The following FRYL variants were observed in gnomAD, a reference collection of about 807,000 sequenced individuals.
The protein encoded by FRYL is FRY like transcription coactivator, also known as protein furry homolog-like.
FRYL carries 150 observed loss-of-function variants against 351.2 expected under a neutral mutation model. That is an observed-to-expected ratio of 0.43 (90% confidence interval 0.37 to 0.49). The LOEUF (loss-of-function observed/expected upper bound fraction) is 0.49. Ranked by LOEUF, FRYL falls within the 20% of genes least tolerant of loss-of-function variation. FRYL has a pLI of 0.00. For missense variants in FRYL, 3,036 were observed against 3,619.3 expected (o/e 0.84, Z 4.13); for synonymous variants, 1,153 against 1,257.1 (o/e 0.92, Z 1.75).
At chr4:48,759,789 C>T (rs1239284029) in intron 1 of FRYL, among the ~76,000 whole-genome samples, 1 of 152,114 alleles carries the variant, frequency 6.6e-6, no homozygotes, top group African/African-American at 2.4e-5. Flanking sequence ...TTTTCAGGAC[C>T]CCTGTGATGA....
At chr4:48,642,458 A>G (rs550237197) in intron 3 of FRYL, among the ~76,000 whole-genome samples, 1 of 152,244 alleles carries the variant, frequency 6.6e-6, no homozygotes, top group South Asian at 2.1e-4. Flanking sequence ...TGCAAATGAA[A>G]TCATTTTCCC....
intron 21 of FRYL, among the ~76,000 whole-genome samples, 169 bp downstream of exon 21, chr4:48,581,251 A>G (rs2149161017): frequency 6.6e-6 from 1 of 151,968 alleles, no homozygotes; most frequent in South Asian, 2.1e-4. Flanking sequence ...GTTAGCCAGG[A>G]TGGTCTCGAT....
At position 48,546,262 on chromosome 4, in the gene FRYL, T is replaced by A. The variant is rs2148962410; in HGVS notation, c.5084A>T (p.Asn1695Ile). The A allele has an allele frequency of 1.2e-6, 2 of 1,612,706 alleles. No homozygotes were observed. Among genetic ancestry groups the A allele is most frequent in the Non-Finnish European group, 1.7e-6 (2 of 1,178,968 alleles). The change falls in exon 42 of 64, where the codon AAC (asparagine) becomes ATC (isoleucine). Residue 1695 changes from asparagine to isoleucine, a missense_variant. By Grantham distance (149) the Asn-to-Ile change is moderately radical. Around this residue, in one of 7 missense-constraint regions of FRYL, gnomAD observed 1,987 missense variants for 2,311.7 expected, o/e 0.86. Transcript: ENST00000358350. ...GGGCTGGTAATCAGGTATAAAATCG[T>A]TAATGCCTGCTGAAAGAGAAAGATC... Reference protein sequence around the residue: ...HLDYNFTAGINDFIPDYQPSP... With the variant: ...HLDYNFTAGIIDFIPDYQPSP...
At chr4:48,563,445 G>A (rs1325090043) in intron 31 of FRYL, among the ~76,000 whole-genome samples, 3 of 152,136 alleles carry the variant, frequency 2.0e-5, no homozygotes, top group South Asian at 2.1e-4. Flanking sequence ...GGCCAAGCGC[G>A]GCAGGTCATG....
At chr4:48,538,175 A>G (rs1560560752) in intron 47 of FRYL, among the ~76,000 whole-genome samples, 2 of 152,174 alleles carry the variant, frequency 1.3e-5, no homozygotes, top group East Asian at 3.9e-4. Flanking sequence ...CTTGATATTT[A>G]ATGTTCTATT....
chr4:48,632,112 A>ATATG (rs1753298694), intron 4 of FRYL, among the ~76,000 whole-genome samples: 1 of 46,174 alleles, frequency 2.2e-5, no homozygotes, highest in South Asian at 7.8e-4. Flanking sequence ...ATATATATAT[A>ATATG]TATATATATA....
intron 26 of FRYL, among the ~76,000 whole-genome samples, chr4:48,571,438 GAAT>G (rs1175531925): frequency 6.6e-6 from 1 of 152,158 alleles, no homozygotes; most frequent in East Asian, 1.9e-4. Flanking sequence ...CAAAGAACTA[GAAT>G]AATGCCCAGA....
At chr4:48,652,540 C>T (rs1413707187) in intron 3 of FRYL, among the ~76,000 whole-genome samples, 1 of 152,106 alleles carries the variant, frequency 6.6e-6, no homozygotes, top group Admixed American at 6.5e-5. Flanking sequence ...TAATTTTCTG[C>T]CATCTGGCAC....
At chr4:48,674,792 C>G (rs964955049) in intron 3 of FRYL, among the ~76,000 whole-genome samples, 101 of 148,558 alleles carry the variant, frequency 6.8e-4, no homozygotes, top group Non-Finnish European at 9.1e-4. Flanking sequence ...AGTAGAAGCC[C>G]TTTGCTGTAA....
chr4:48,761,771 A>C (rs1300503368), intron 1 of FRYL, among the ~76,000 whole-genome samples: 1 of 152,222 alleles, frequency 6.6e-6, no homozygotes, highest in African/African-American at 2.4e-5. Context: ...AAAGGTTTGT[A>C]GCCTAGGAGC....
At chr4:48,742,032 G>A (rs188736724) in intron 1 of FRYL, among the ~76,000 whole-genome samples, 4 of 152,316 alleles carry the variant, frequency 2.6e-5, no homozygotes, top group Admixed American at 2.0e-4. Flanking sequence ...TAACAATGAT[G>A]TATCAATATA....
rs2148865776 is a variant in FRYL at position 48,528,215 on chromosome 4, G to A, written c.7025C>T (p.Ala2342Val). The change falls in exon 51 of 64, where the codon GCC (alanine) becomes GTC (valine). Residue 2342 changes from alanine (A) to valine (V), a missense_variant. By Grantham distance (64) the Ala-to-Val change is moderately conservative (BLOSUM62 0). Transcript: ENST00000358350. The stretch of plus-strand genomic sequence containing the variant: ...CCTTTTCCAACTAACAGGAACCAAG[G>A]CATTAGAATTAGAACCAGAAGAAGT... ...SSTSSGSNSN[A>V]LVPVSWKRPQ... 1.2e-6 allele frequency: 2 copies of A among 1,613,068 alleles called. No individual in the cohort carries two copies. Among genetic ancestry groups the A allele is most frequent in the African/African-American group, 1.3e-5 (1 of 74,966 alleles).
At chr4:48,538,642 T>G (rs1255583964) in intron 47 of FRYL, among the ~76,000 whole-genome samples, 2 of 152,172 alleles carry the variant, frequency 1.3e-5, no homozygotes, top group Non-Finnish European at 2.9e-5. Flanking sequence ...ATCCCAGCTT[T>G]TAAAAAAAAT....
intron 18 of FRYL, among the ~76,000 whole-genome samples, chr4:48,588,881 A>T (rs1742677295): frequency 1.3e-5 from 2 of 152,212 alleles, no homozygotes; most frequent in African/African-American, 4.8e-5. Flanking sequence ...CAGTTACAGA[A>T]GAAATACACT....
intron 2 of FRYL, among the ~76,000 whole-genome samples, chr4:48,690,461 T>C (rs1765583439): frequency 6.6e-6 from 1 of 152,068 alleles, no homozygotes; most frequent in Admixed American, 6.6e-5. Flanking sequence ...CTCCCTTAAG[T>C]TAAAATGCTC....
Position 48,575,229 on chromosome 4 carries a change from G to C in FRYL, c.2734C>G (p.Pro912Ala). 1 of 1,613,290 alleles carries C rather than the reference G, an allele frequency of 6.2e-7. No homozygotes were observed. The highest frequency in any genetic ancestry group is 8.5e-7 in the Non-Finnish European group (1 of 1,179,454). Residue 912 changes from proline to alanine, a missense_variant, in exon 25 of 64, where the codon CCA becomes GCA. Around this residue, in one of 7 missense-constraint regions of FRYL, gnomAD observed 492 missense variants for 551.5 expected, o/e 0.89. Transcript: ENST00000358350. ...TGCTTAAACAAGGATGAAGGGGATG[G>C]GATGCCAATAATCTGGAAAAAAAAT... The part of the protein sequence containing the change: ...YSIDSKIIGI[P>A]SPSSLFKHIV...
At chr4:48,742,171 A>C (rs1772159705) in intron 1 of FRYL, among the ~76,000 whole-genome samples, 1 of 152,354 alleles carries the variant, frequency 6.6e-6, no homozygotes, top group Non-Finnish European at 1.5e-5. Context: ...TGAACCTGAA[A>C]CTACTCTGAA....
At chr4:48,596,325 A>T (rs1174914407) in intron 13 of FRYL, among the ~76,000 whole-genome samples, 2 of 152,176 alleles carry the variant, frequency 1.3e-5, no homozygotes, top group African/African-American at 2.4e-5. Flanking sequence ...ACACTCCAAT[A>T]CTGACATAAT....
chr4:48,522,288 TA>T (rs1725069388), intron 54 of FRYL, among the ~76,000 whole-genome samples: 2 of 152,046 alleles, frequency 1.3e-5, no homozygotes, highest in Admixed American at 6.6e-5. Flanking sequence ...GCCTAAAGAA[TA>T]AAAAAAGGAG....
Sources: allele counts gnomAD v4.1 joint callset (sites outside exome capture counted in the v4.1 genomes callset), GRCh38; gene constraint gnomAD v4.1.1; regional missense constraint gnomAD v4.1.1; transcripts MANE v1.5; gene names NCBI Gene and HGNC (gene_info 2026-07-23, HGNC 2026-07-21).